CENPW: variants seen among roughly 807,000 people sequenced by gnomAD.
CENPW encodes the protein cancer-up-regulated gene 2 protein.
A neutral mutation model predicts 11.1 loss-of-function variants in CENPW; 3 were observed. The observed-to-expected ratio is 0.27, with a 90% CI of 0.12 to 0.70. CENPW has a LOEUF of 0.70. Ranked by LOEUF, CENPW falls within the 30% of genes least tolerant of loss-of-function variation. The pLI is 0.77. For synonymous variants in CENPW, 38 were observed against 42.0 expected (o/e 0.91, Z 0.37); for missense variants, 100 against 105.6 (o/e 0.95, Z 0.23).
chr6:126,368,635 C>T, the CENPW span, among the ~76,000 whole-genome samples: 1 of 151,112 alleles, frequency 6.6e-6, no homozygotes. Context: ...CAGTGTACAC[C>T]ATACCCAATG....
At chr6:126,386,232 A>G in the CENPW span, among the ~76,000 whole-genome samples, 1 of 152,054 alleles carries the variant, frequency 6.6e-6, no homozygotes, top group Non-Finnish European at 1.5e-5. Context: ...GGTAGGAAAC[A>G]AAGGCTACTT....
At chr6:126,372,616 G>T in the CENPW span, among the ~76,000 whole-genome samples, 1 of 152,048 alleles carries the variant, frequency 6.6e-6, no homozygotes, top group African/African-American at 2.4e-5. Context: ...TACAGCTAAA[G>T]GTAATTAGCC....
the CENPW span, among the ~76,000 whole-genome samples, chr6:126,466,214 T>C: frequency 6.6e-6 from 1 of 152,142 alleles, no homozygotes; most frequent in Non-Finnish European, 1.5e-5. Context: ...AAATGGAATG[T>C]ATAATGCGGT....
chr6:126,476,388 C>T, the CENPW span, among the ~76,000 whole-genome samples: 3 of 152,040 alleles, frequency 2.0e-5, no homozygotes, highest in South Asian at 6.2e-4. Flanking sequence ...GATCAATTTT[C>T]TAAAATTTCA....
chr6:126,412,162 AT>A, the CENPW span, among the ~76,000 whole-genome samples: 1 of 128,112 alleles, frequency 7.8e-6, no homozygotes, highest in African/African-American at 2.9e-5. Context: ...GAGTTTTTAA[AT>A]TTTTTGTAAA....
At chr6:126,366,499 G>A in the CENPW span, among the ~76,000 whole-genome samples, 1 of 152,062 alleles carries the variant, frequency 6.6e-6, no homozygotes, top group African/African-American at 2.4e-5. Context: ...TTGGATCTTG[G>A]ACTAAGTATT....
the CENPW span, among the ~76,000 whole-genome samples, chr6:126,412,759 CT>C: frequency 2.0e-5 from 3 of 152,008 alleles, no homozygotes; most frequent in Non-Finnish European, 4.4e-5. Flanking sequence ...TTTTAAAATT[CT>C]TTTTTCCTAC....
chr6:126,427,797 GTGTT>G, the CENPW span, among the ~76,000 whole-genome samples: 6 of 152,304 alleles, frequency 3.9e-5, no homozygotes, highest in East Asian at 9.6e-4. Context: ...TGCATAGTGA[GTGTT>G]AGGAACACAT....
At chr6:126,417,540 G>T in the CENPW span, among the ~76,000 whole-genome samples, 2 of 152,106 alleles carry the variant, frequency 1.3e-5, no homozygotes, top group Non-Finnish European at 2.9e-5. Context: ...CCCAGTGGGA[G>T]GTAATCAAAT....
chr6:126,397,541 G>A, the CENPW span, among the ~76,000 whole-genome samples: 8 of 152,104 alleles, frequency 5.3e-5, no homozygotes, highest in Admixed American at 2.0e-4. Flanking sequence ...TGCTCATCTC[G>A]TTTTTGATTC....
chr6:126,462,532 T>TCACACA, the CENPW span, among the ~76,000 whole-genome samples: 7 of 111,920 alleles, frequency 6.3e-5, no homozygotes, highest in African/African-American at 2.2e-4. Context: ...TCTCTCTCTC[T>TCACACA]CACACACACA....
At chr6:126,341,220 T>C (rs571067847) in intron 1 of CENPW, among the ~76,000 whole-genome samples, 6 of 152,336 alleles carry the variant, frequency 3.9e-5, no homozygotes, top group Admixed American at 3.3e-4. Flanking sequence ...ATGAACACTA[T>C]TTCTCTAGGT....
chr6:126,479,079 C>A, the CENPW span, among the ~76,000 whole-genome samples: 1 of 152,004 alleles, frequency 6.6e-6, no homozygotes, highest in Non-Finnish European at 1.5e-5. Flanking sequence ...AATCCTCCTT[C>A]GGTTTATGTG....
chr6:126,414,456 T>G, the CENPW span, among the ~76,000 whole-genome samples: 2 of 152,146 alleles, frequency 1.3e-5, no homozygotes, highest in Non-Finnish European at 2.9e-5. Flanking sequence ...TCAAGTATCT[T>G]TTCTCGTATC....
At chr6:126,482,255 A>G in the CENPW span, among the ~76,000 whole-genome samples, 2 of 152,094 alleles carry the variant, frequency 1.3e-5, no homozygotes, top group African/African-American at 2.4e-5. Flanking sequence ...TTAATAAAAT[A>G]TGTTCTAAAG....
chr6:126,398,598 A>C, the CENPW span, among the ~76,000 whole-genome samples: 2 of 152,100 alleles, frequency 1.3e-5, no homozygotes, highest in East Asian at 3.8e-4. Flanking sequence ...GAATAGTTAT[A>C]CTGTGTTGGT....
the CENPW span, among the ~76,000 whole-genome samples, chr6:126,464,439 G>A: frequency 2.0e-5 from 3 of 152,114 alleles, no homozygotes; most frequent in Non-Finnish European, 4.4e-5. Context: ...TTGAGTCAGT[G>A]CACTGGGAGA....
chr6:126,363,389 G>T, the CENPW span, among the ~76,000 whole-genome samples: 3 of 152,274 alleles, frequency 2.0e-5, no homozygotes, highest in Middle Eastern at 3.4e-3. Context: ...TTGAAAAATT[G>T]GACAATATGG....
chr6:126,351,198 G>A (rs1417737689), downstream of CENPW, among the ~76,000 whole-genome samples: 3 of 151,154 alleles, frequency 2.0e-5, no homozygotes, highest in Non-Finnish European at 4.4e-5. Context: ...GAGGGAAGTT[G>A]CTAGAGTCAG....
Sources: allele counts gnomAD v4.1 joint callset (sites outside exome capture counted in the v4.1 genomes callset), GRCh38; gene constraint gnomAD v4.1.1; transcripts MANE v1.5; gene names NCBI Gene and HGNC (gene_info 2026-07-23, HGNC 2026-07-21).